VDR: variants seen among roughly 807,000 people sequenced by gnomAD.
VDR encodes the protein vitamin D3 receptor.
VDR carries 19 observed loss-of-function variants against 39.7 expected under a neutral mutation model. That is an observed-to-expected ratio of 0.48 (90% CI 0.33 to 0.70). VDR has a LOEUF of 0.70. VDR is among the 30% of genes least tolerant of loss of function. The pLI is 0.02. For synonymous variants in VDR, 242 were observed against 215.8 expected (o/e 1.12, Z -1.07); for missense variants, 442 against 570.5 (o/e 0.77, Z 2.29).
chr12:47,858,615 G>C (rs1422024639), intron 4 of VDR, among the ~76,000 whole-genome samples: 1 of 152,260 alleles, frequency 6.6e-6, no homozygotes, highest in Non-Finnish European at 1.5e-5. Context: ...GATGCTGGGA[G>C]CAAAGGTGCC....
chr12:47,862,623 T>C (rs1342289496), intron 4 of VDR, among the ~76,000 whole-genome samples: 1 of 152,258 alleles, frequency 6.6e-6, no homozygotes, highest in Admixed American at 6.5e-5. Flanking sequence ...GCCTCTTCTA[T>C]GGAAGGCCCA....
At chr12:47,863,107 T>G (rs1168369894) in intron 4 of VDR, among the ~76,000 whole-genome samples, 1 of 152,134 alleles carries the variant, frequency 6.6e-6, no homozygotes, top group Non-Finnish European at 1.5e-5. Context: ...CACCACGTGG[T>G]AGGGTGCTCC....
intron 3 of VDR, among the ~76,000 whole-genome samples, chr12:47,866,720 T>A (rs1236008911): frequency 6.6e-6 from 1 of 152,162 alleles, no homozygotes; most frequent in Non-Finnish European, 1.5e-5. Flanking sequence ...CTGGGCACAG[T>A]GGCTCAGGCC....
chr12:47,867,290 G>A (rs185487286), intron 3 of VDR, among the ~76,000 whole-genome samples: 3 of 152,196 alleles, frequency 2.0e-5, no homozygotes, highest in East Asian at 1.9e-4. Context: ...GGAGACGGCC[G>A]TTTCACTGAG....
In VDR at chr12:47,846,475, C is replaced by T. The variant is rs375044148; in HGVS notation, c.908-24G>A. 74 of 1,559,016 alleles carry T rather than the reference C, an allele frequency of 4.7e-5. 1 individual carries two copies. In the East Asian group the frequency reaches 6.4e-4, roughly 14 times the overall value. ...GGCTGTGAGAGACAATGGCCAGGTA[C>T]TGCGGGCAGAGCTGAGGAGCCGCCC... is the stretch of plus-strand genomic sequence containing the variant. On this transcript the variant is annotated intron_variant, in intron 8 of 9. Transcript: ENST00000549336.
intron 1 of VDR, among the ~76,000 whole-genome samples, chr12:47,896,238 G>A (rs1324438613): frequency 3.3e-5 from 5 of 152,314 alleles, no homozygotes; most frequent in East Asian, 3.9e-4. Flanking sequence ...TTATTATTGC[G>A]CACAATTACT....
intron 3 of VDR, among the ~76,000 whole-genome samples, chr12:47,867,058 A>C (rs546066688): frequency 2.4e-4 from 37 of 152,086 alleles, no homozygotes; most frequent in Non-Finnish European, 4.9e-4. Context: ...CTTAGCTAGA[A>C]AGGTGGCACC....
chr12:47,902,678 C>T (rs999783129), intron 1 of VDR, among the ~76,000 whole-genome samples: 1 of 152,212 alleles, frequency 6.6e-6, no homozygotes, highest in Non-Finnish European at 1.5e-5. Flanking sequence ...CTCTCTGGCC[C>T]CTAGGACCTG....
At chr12:47,859,879 T>A (rs1945576357) in intron 4 of VDR, among the ~76,000 whole-genome samples, 1 of 31,622 alleles carries the variant, frequency 3.2e-5, no homozygotes, top group Non-Finnish European at 5.9e-5. Context: ...CCTTCCTTCC[T>A]TCCTTCCTTC....
At chr12:47,888,875 C>A (rs1051084665) in intron 1 of VDR, among the ~76,000 whole-genome samples, 1 of 152,098 alleles carries the variant, frequency 6.6e-6, no homozygotes, top group Non-Finnish European at 1.5e-5. Context: ...CTATAATTTA[C>A]CTTCTATTCC....
intron 1 of VDR, among the ~76,000 whole-genome samples, chr12:47,895,328 T>C (rs1004512799): frequency 6.6e-6 from 1 of 152,224 alleles, no homozygotes; most frequent in African/African-American, 2.4e-5. Flanking sequence ...AGTTTCCTTT[T>C]GATTTTTCTC....
At chr12:47,851,088 A>G (rs1166115675) in intron 7 of VDR, among the ~76,000 whole-genome samples, 4 of 152,198 alleles carry the variant, frequency 2.6e-5, no homozygotes, top group African/African-American at 9.7e-5. Context: ...GCACGAAGGA[A>G]GCATGATAAC....
chr12:47,880,959 A>G (rs1946138282), intron 2 of VDR, among the ~76,000 whole-genome samples: 1 of 149,512 alleles, frequency 6.7e-6, no homozygotes, highest in Non-Finnish European at 1.5e-5. Context: ...TTTAGCAAGT[A>G]TAAATATATA....
intron 3 of VDR, among the ~76,000 whole-genome samples, chr12:47,871,620 C>T (rs1003618033): frequency 2.0e-4 from 30 of 152,024 alleles, no homozygotes; most frequent in African/African-American, 6.0e-4. Flanking sequence ...TGTGCCACCA[C>T]GCCTGGCCAA....
chr12:47,889,825 A>G (rs938181721), intron 1 of VDR, among the ~76,000 whole-genome samples: 5 of 152,234 alleles, frequency 3.3e-5, no homozygotes, highest in East Asian at 1.9e-4. Context: ...AAAAACAAAA[A>G]CAAAAAAGCA....
intron 9 of VDR, among the ~76,000 whole-genome samples, chr12:47,845,773 C>T (rs537086870): frequency 1.3e-5 from 2 of 152,370 alleles, no homozygotes; most frequent in East Asian, 3.9e-4. Flanking sequence ...GCCACTAGCA[C>T]AGGCTGAGGC....
At chr12:47,847,687 C>A (rs1945305910) in intron 7 of VDR, among the ~76,000 whole-genome samples, 1 of 152,126 alleles carries the variant, frequency 6.6e-6, no homozygotes, top group Non-Finnish European at 1.5e-5. Context: ...AGTCTCCCAC[C>A]TCAGCCTTCC....
intron 3 of VDR, among the ~76,000 whole-genome samples, chr12:47,866,053 C>T (rs1945728111): frequency 6.6e-6 from 1 of 151,802 alleles, no homozygotes; most frequent in Non-Finnish European, 1.5e-5. Context: ...GTACTCTGTT[C>T]CCCTTCCCAT....
chr12:47,885,635 A>G (rs1946238097), intron 1 of VDR, among the ~76,000 whole-genome samples: 1 of 152,254 alleles, frequency 6.6e-6, no homozygotes, highest in African/African-American at 2.4e-5. Flanking sequence ...CTGACCGCTA[A>G]TGTCTTTTCT....
Sources: allele counts gnomAD v4.1 joint callset (sites outside exome capture counted in the v4.1 genomes callset), GRCh38; gene constraint gnomAD v4.1.1; transcripts MANE v1.5; gene names NCBI Gene and HGNC (gene_info 2026-07-23, HGNC 2026-07-21).